The following PLPPR5 variants were observed in gnomAD, a reference collection of about 807,000 sequenced individuals.
PLPPR5 encodes the protein phospholipid phosphatase related 5.
In PLPPR5, 16 loss-of-function variants were observed where a neutral mutation model predicts 33.9. The ratio of observed to expected loss-of-function variants is 0.47; its 90% CI spans 0.32 to 0.72. The LOEUF (loss-of-function observed/expected upper bound fraction) is 0.72, where lower values mean the gene tolerates loss of function less well. PLPPR5 is among the 30% of genes least tolerant of loss of function. PLPPR5 has a pLI of 0.03. For missense variants in PLPPR5, 301 were observed against 406.7 expected (o/e 0.74, Z 2.23); for synonymous variants, 163 against 150.3 (o/e 1.08, Z -0.62).
At chr1:98,896,389 T>C (rs1403613927) in intron 5 of PLPPR5, among the ~76,000 whole-genome samples, 2 of 152,110 alleles carry the variant, frequency 1.3e-5, no homozygotes, top group Admixed American at 6.6e-5. Flanking sequence ...CAATACTAAA[T>C]CTTTTTAGTA....
intron 1 of PLPPR5, among the ~76,000 whole-genome samples, chr1:98,990,232 G>C (rs887905118): frequency 1.3e-5 from 2 of 152,042 alleles, no homozygotes; most frequent in Non-Finnish European, 2.9e-5. Flanking sequence ...AGCCAGGCAT[G>C]GTGGTGCACG....
Position 98,891,088 on chromosome 1 carries a change from A to G in PLPPR5, c.*1984T>C, listed in dbSNP as rs533468544. ...ATCATCCCCTTCACTTTCATTCTCA[A>G]TAAGTGAATTCCCTATTACTGTTAT... On this transcript the variant is annotated 3_prime_UTR_variant, in exon 6 of 6. Transcript: ENST00000263177. The G allele has an allele frequency of 1.3e-5, 2 of 152,236 alleles. No homozygotes were observed. Among genetic ancestry groups the G allele is most frequent in the African/African-American group, 4.8e-5 (2 of 41,570 alleles). The allele number at this position is 152,236 out of a possible 1,614,324, so 9.4% of individuals were successfully genotyped here.
chr1:98,914,411 A>C (rs534874856), intron 5 of PLPPR5, among the ~76,000 whole-genome samples: 1 of 152,182 alleles, frequency 6.6e-6, no homozygotes, highest in South Asian at 2.1e-4. Flanking sequence ...CAGCCTCCCA[A>C]GTAGCTGGGA....
chr1:98,916,698 CA>C, intron 4 of PLPPR5, among the ~76,000 whole-genome samples: 1 of 152,304 alleles, frequency 6.6e-6, no homozygotes. Flanking sequence ...CTCTAAAATA[CA>C]AAGGATATAA....
At chr1:98,991,442 T>C (rs781243088) in intron 1 of PLPPR5, among the ~76,000 whole-genome samples, 21 of 152,200 alleles carry the variant, frequency 1.4e-4, no homozygotes, top group Non-Finnish European at 2.4e-4. Context: ...GTACACTTTC[T>C]ACTCCATTTG....
intron 5 of PLPPR5, among the ~76,000 whole-genome samples, chr1:98,914,581 C>T (rs1348954069): frequency 6.6e-6 from 1 of 152,004 alleles, no homozygotes; most frequent in East Asian, 1.9e-4. Flanking sequence ...CAGGTGTAAG[C>T]CATTGTGACC....
At chr1:98,981,452 C>G (rs1417187105) in intron 1 of PLPPR5, among the ~76,000 whole-genome samples, 1 of 152,112 alleles carries the variant, frequency 6.6e-6, no homozygotes, top group Non-Finnish European at 1.5e-5. Context: ...TCGTCCTTCA[C>G]TTCCGTGACT....
intron 1 of PLPPR5, 61 bp downstream of exon 1, chr1:99,004,373 AC>A: frequency 7.0e-7 from 1 of 1,423,840 alleles, no homozygotes; most frequent in Non-Finnish European, 9.5e-7. Context: ...AGGGGCCTCA[AC>A]CCCGAAGGCG....
intron 3 of PLPPR5, among the ~76,000 whole-genome samples, chr1:98,950,406 A>G (rs902471413): frequency 6.6e-6 from 1 of 152,206 alleles, no homozygotes; most frequent in Non-Finnish European, 1.5e-5. Context: ...TATAATTATT[A>G]TCATTAATAT....
intron 1 of PLPPR5, among the ~76,000 whole-genome samples, chr1:98,998,390 G>A (rs978716685): frequency 6.6e-6 from 1 of 152,154 alleles, no homozygotes; most frequent in Non-Finnish European, 1.5e-5. Context: ...TGAGACACAT[G>A]CCTTTAAATC....
upstream of PLPPR5, among the ~76,000 whole-genome samples, chr1:99,005,411 C>T (rs1653051977): frequency 6.6e-6 from 1 of 152,080 alleles, no homozygotes; most frequent in South Asian, 2.1e-4. Flanking sequence ...GGTTTCTAGG[C>T]GCTGTTAGAA....
intron 1 of PLPPR5, among the ~76,000 whole-genome samples, chr1:98,996,300 A>AT (rs1405500915): frequency 2.6e-5 from 4 of 152,130 alleles, no homozygotes; most frequent in African/African-American, 9.7e-5. Context: ...ATACATACAC[A>AT]TGCTTAACTC....
At chr1:98,997,991 A>C (rs1652687627) in intron 1 of PLPPR5, among the ~76,000 whole-genome samples, 1 of 152,188 alleles carries the variant, frequency 6.6e-6, no homozygotes, top group African/African-American at 2.4e-5. Flanking sequence ...GAAGAGGTGA[A>C]GGGAGAAAAA....
intron 1 of PLPPR5, among the ~76,000 whole-genome samples, chr1:98,986,478 C>T (rs1249441554): frequency 6.6e-6 from 1 of 151,616 alleles, no homozygotes; most frequent in East Asian, 1.9e-4. Context: ...AGGGGAACAA[C>T]TCTGGATGTG....
intron 3 of PLPPR5, among the ~76,000 whole-genome samples, chr1:98,934,835 A>T (rs925098596): frequency 6.6e-6 from 1 of 152,166 alleles, no homozygotes; most frequent in Non-Finnish European, 1.5e-5. Flanking sequence ...TTTATGAGAG[A>T]TTTAAAAATG....
In PLPPR5 at chr1:99,004,760, G is replaced by A. The variant is rs1653012889; in HGVS notation, c.-89C>T. 1.1e-5 allele frequency: 10 copies of A among 875,818 alleles called. No individual in the cohort carries two copies. Among genetic ancestry groups the A allele is most frequent in the Non-Finnish European group, 1.5e-5 (10 of 665,938 alleles). The allele number at this position is 875,818 out of a possible 1,614,324, so 54.3% of individuals were successfully genotyped here. A position where few individuals can be genotyped will look rare whatever the true frequency, so the allele number is the denominator to read the frequency against. ...CGGTCCGCCGAGGCAGCCACCGGGG[G>A]CGCGGCGGCGGAGGCGGCGGGAGGA... On this transcript the variant is annotated 5_prime_UTR_variant, in exon 1 of 6. Transcript: ENST00000263177.
At chr1:98,946,736 T>TG (rs1650566174) in intron 3 of PLPPR5, among the ~76,000 whole-genome samples, 1 of 152,150 alleles carries the variant, frequency 6.6e-6, no homozygotes, top group South Asian at 2.1e-4. Context: ...GAGAACTTTA[T>TG]TAGACCCCCT....
chr1:98,972,442 G>T (rs1005518892), intron 1 of PLPPR5, among the ~76,000 whole-genome samples: 1 of 151,830 alleles, frequency 6.6e-6, no homozygotes, highest in East Asian at 1.9e-4. Flanking sequence ...TAATCTCCCC[G>T]TATGAACTTA....
chr1:98,950,007 C>T (rs1650717056), intron 3 of PLPPR5, among the ~76,000 whole-genome samples: 1 of 152,232 alleles, frequency 6.6e-6, no homozygotes, highest in African/African-American at 2.4e-5. Flanking sequence ...AATCTACCAT[C>T]TGCACCCTTG....
Sources: gnomAD v4.1 joint callset for allele counts (sites outside exome capture counted in the v4.1 genomes callset) on GRCh38, gnomAD v4.1.1 for gene constraint, MANE v1.5 for transcripts, NCBI Gene and HGNC (gene_info 2026-07-23, HGNC 2026-07-21) for gene names.